MRPL45: variants seen among roughly 807,000 people sequenced by gnomAD.
MRPL45 encodes the protein mitochondrial ribosomal protein L45, also known as large ribosomal subunit protein mL45.
MRPL45 carries 20 observed loss-of-function variants against 38.1 expected under a neutral mutation model. The ratio of observed to expected loss-of-function variants is 0.53; its 90% CI spans 0.37 to 0.76. MRPL45 has a LOEUF of 0.76. Ranked by LOEUF, MRPL45 falls within the 30% of genes least tolerant of loss-of-function variation. The pLI, the probability that MRPL45 is intolerant of heterozygous loss-of-function variation, is 0.00. For synonymous variants in MRPL45, 105 were observed against 128.8 expected, an observed-to-expected ratio of 0.82 and a Z score of 1.25; for missense variants, 337 against 395.6, an observed-to-expected ratio of 0.85 and a Z score of 1.26.
At chr17:38,316,023 C>T (rs1200071549) in intron 4 of MRPL45, among the ~76,000 whole-genome samples, 1 of 152,146 alleles carries the variant, frequency 6.6e-6, no homozygotes, top group East Asian at 1.9e-4. Context: ...GATCCACCCA[C>T]CTTGGCCTCC....
chr17:38,317,565 T>G (rs1311072219), intron 4 of MRPL45, among the ~76,000 whole-genome samples: 2 of 152,170 alleles, frequency 1.3e-5, no homozygotes, highest in East Asian at 1.9e-4. Flanking sequence ...TTTTGTGTTT[T>G]TTTTGTTTTG....
At chr17:38,321,532 A>G (rs1175422000) in intron 6 of MRPL45, among the ~76,000 whole-genome samples, 1 of 152,002 alleles carries the variant, frequency 6.6e-6, no homozygotes, top group African/African-American at 2.4e-5. Context: ...GTACACTACA[A>G]ATAGAAAAAT....
chr17:38,300,932 G>A lies in MRPL45; in HGVS notation c.362+1464G>A, dbSNP rs1181756850. On this transcript the variant is annotated intron_variant, in intron 3 of 7. Coordinates refer to ENST00000613675, the MANE Select transcript of MRPL45 (RefSeq NM_032351.6). ...TTGCACTCCAGCCTGGGCAACAAGG[G>A]CGAAACTCTGTCTCAAAAAAAAATA... Among the ~76,000 whole-genome samples the A allele has an allele frequency of 3.3e-5, 5 of 152,058 alleles. No homozygotes were observed. In the East Asian group the frequency reaches 9.7e-4, roughly 29 times the overall value.
At position 38,303,724 on chromosome 17, in the gene MRPL45, G is replaced by A. The variant is rs189638962; in HGVS notation, c.363-2809G>A. ...AGGATCTAAGATTCCTCTTGCCTCC[G>A]TCTTCTTTTCTTTTTTTTTTGAGAC... On this transcript the variant is annotated intron_variant, in intron 3 of 7. Transcript: ENST00000613675. Among the ~76,000 whole-genome samples, 27 of 150,514 alleles carry A rather than the reference G, an allele frequency of 1.8e-4. No homozygotes were observed. The East Asian group carries it at 2.4e-3, about 13-fold the overall frequency.
chr17:38,307,197 C>T (rs1030297497), intron 4 of MRPL45, among the ~76,000 whole-genome samples: 1 of 152,056 alleles, frequency 6.6e-6, no homozygotes, highest in Non-Finnish European at 1.5e-5. Flanking sequence ...CCACATCCAG[C>T]TAATTTTTTT....
chr17:38,312,984 G>GGTT (rs1424465558), intron 4 of MRPL45, among the ~76,000 whole-genome samples: 1 of 113,676 alleles, frequency 8.8e-6, no homozygotes, highest in Non-Finnish European at 1.7e-5. Flanking sequence ...CTTTTTATTG[G>GGTT]TTTTTTTTTT....
intron 4 of MRPL45, among the ~76,000 whole-genome samples, chr17:38,317,789 G>A (rs1007651860): frequency 1.3e-5 from 2 of 151,440 alleles, no homozygotes; most frequent in Non-Finnish European, 2.9e-5. Context: ...TAGCCATGAC[G>A]GTCTCGATCT....
chr17:38,313,905 C>G (rs919578523), intron 4 of MRPL45, among the ~76,000 whole-genome samples: 3 of 152,066 alleles, frequency 2.0e-5, no homozygotes, highest in Admixed American at 1.3e-4. Flanking sequence ...TCAGATGATC[C>G]ACCCACCTCA....
chr17:38,298,094 TAAAG>T lies in MRPL45; in HGVS notation c.67-352_67-349del, dbSNP rs1021813462. On this transcript the variant is annotated intron_variant, in intron 1 of 7. Coordinates refer to ENST00000613675, the MANE Select transcript of MRPL45 (RefSeq NM_032351.6). Reference sequence around the variant, plus strand: ...GCTAGCGATCTGCCTCAAAAAATAATAAAGAATAGTATTCTGCCCATTTCAGTAT... The same window carrying T: ...GCTAGCGATCTGCCTCAAAAAATAATAATAGTATTCTGCCCATTTCAGTAT... Among the ~76,000 whole-genome samples, 9 of 152,202 alleles carry T rather than the reference TAAAG, an allele frequency of 5.9e-5. No individual in the cohort carries two copies. In the South Asian group the frequency reaches 6.2e-4, roughly 11 times the overall value.
At chr17:38,318,773 A>T in intron 5 of MRPL45, 38 bp downstream of exon 5, 1 of 1,425,538 alleles carries the variant, frequency 7.0e-7, no homozygotes, top group Non-Finnish European at 9.8e-7. Context: ...GGGGTGACTG[A>T]GTGGGCAGAT....
chr17:38,301,603 T>C (rs1240587526), intron 3 of MRPL45, among the ~76,000 whole-genome samples: 1 of 152,200 alleles, frequency 6.6e-6, no homozygotes, highest in Non-Finnish European at 1.5e-5. Flanking sequence ...TGATTGTAAT[T>C]GCACACTTGT....
chr17:38,319,195 C>T (rs1045942490), intron 5 of MRPL45, among the ~76,000 whole-genome samples: 3 of 151,828 alleles, frequency 2.0e-5, no homozygotes, highest in Non-Finnish European at 4.4e-5. Flanking sequence ...GCCAGCACAC[C>T]CGGCTAATTT....
chr17:38,311,736 C>T (rs1420653045), intron 4 of MRPL45, among the ~76,000 whole-genome samples: 1 of 151,496 alleles, frequency 6.6e-6, no homozygotes, highest in Non-Finnish European at 1.5e-5. Flanking sequence ...ACCCCTTCCA[C>T]CCACTGACGA....
chr17:38,321,362 G>C (rs1304425072), intron 6 of MRPL45, among the ~76,000 whole-genome samples: 1 of 152,138 alleles, frequency 6.6e-6, no homozygotes, highest in Non-Finnish European at 1.5e-5. Context: ...GATAGTCCTA[G>C]ATTCAGAATT....
chr17:38,322,514 GA>G lies in MRPL45; in HGVS notation c.841del (p.Met281Ter), dbSNP rs746223239. On this transcript the variant is annotated frameshift_variant, in exon 8 of 8. Coordinates refer to ENST00000613675, the MANE Select transcript of MRPL45 (RefSeq NM_032351.6). LOFTEE classifies it high-confidence loss of function. ...PPKQPILKTV[M>X]IPGPQLKPEE... is the part of the protein sequence containing the mutation. ...CTGGCGTCCTACTCTTTCAGACGGT[GA>G]TGATCCCTGGCCCTCAGCTGAAACC... 1 of 1,613,324 alleles carries G rather than the reference GA, an allele frequency of 6.2e-7. No individual in the cohort carries two copies. Among genetic ancestry groups the G allele is most frequent in the African/African-American group, 1.3e-5 (1 of 74,900 alleles).
At position 38,304,838 on chromosome 17, in the gene MRPL45, G is replaced by A. The variant is rs1019427991; in HGVS notation, c.363-1695G>A. Among the ~76,000 whole-genome samples the A allele has an allele frequency of 2.4e-5, 3 of 125,594 alleles. No individual in the cohort carries two copies. The Admixed American group carries it at 2.7e-4, about 11-fold the overall frequency. The allele number at this position is 125,594 out of a possible 152,430, so 82.4% of individuals were successfully genotyped here. Reference sequence around the variant, plus strand: ...ATTACAGACCTGAGTCACTGCGCCCGGCCGTAACTTCCTTTTTTTTTTTTT... The same window carrying A: ...ATTACAGACCTGAGTCACTGCGCCCAGCCGTAACTTCCTTTTTTTTTTTTT... On this transcript the variant is annotated intron_variant, in intron 3 of 7. Transcript: ENST00000613675.
At chr17:38,305,433 C>T (rs1447690042) in intron 3 of MRPL45, among the ~76,000 whole-genome samples, 20 of 145,834 alleles carry the variant, frequency 1.4e-4, no homozygotes, top group Admixed American at 1.3e-3. Context: ...CGCCACTGTA[C>T]TCCAGCCTGT....
intron 4 of MRPL45, among the ~76,000 whole-genome samples, chr17:38,313,326 ATATATACATATATATATATACG>A: frequency 1.2e-4 from 2 of 16,156 alleles, no homozygotes; most frequent in Non-Finnish European, 2.2e-4. Context: ...ATATATATAT[ATATATACATATATATATATACG>A]TATATATATA....
At position 38,322,540 on chromosome 17, in the gene MRPL45, CAGA is replaced by C. The variant is rs759708379; in HGVS notation, c.874_876del (p.Glu292del). ...ATGATCCCTGGCCCTCAGCTGAAACCAGAAGAAGAATATGAAGAGGCACAAGGA... is the reference window on the plus strand; with the variant it reads ...ATGATCCCTGGCCCTCAGCTGAAACCAGAAGAATATGAAGAGGCACAAGGA... On this transcript the variant is annotated inframe_deletion, in exon 8 of 8. Transcript: ENST00000613675. The C allele has an allele frequency of 1.2e-4, 196 of 1,613,474 alleles. No homozygotes were observed. Among genetic ancestry groups the C allele is most frequent in the Non-Finnish European group, 1.6e-4 (183 of 1,179,938 alleles).
Sources: allele counts gnomAD v4.1 joint callset (sites outside exome capture counted in the v4.1 genomes callset), GRCh38; gene constraint gnomAD v4.1.1; transcripts MANE v1.5; gene names NCBI Gene and HGNC (gene_info 2026-07-23, HGNC 2026-07-21).